The following MAP3K20 variants were observed in gnomAD, a reference collection of about 807,000 sequenced individuals.
The protein encoded by MAP3K20 is HCCS-4.
In MAP3K20, 40 loss-of-function variants were observed where a neutral mutation model predicts 85.7. That is an observed-to-expected ratio of 0.47 (90% CI 0.36 to 0.61). The LOEUF is 0.61. Ranked by LOEUF, MAP3K20 falls within the 20% of genes least tolerant of loss-of-function variation. The probability of loss-of-function intolerance (pLI) is 0.00; values close to 1 mark genes in which losing one functional copy is unlikely to be tolerated. For synonymous variants in MAP3K20, 325 were observed against 327.7 expected, an observed-to-expected ratio of 0.99 and a Z score of 0.09; for missense variants, 817 against 961.7, an observed-to-expected ratio of 0.85 and a Z score of 1.99.
rs16861406 is a variant in MAP3K20, at chr2:173,232,378, A to G, written c.1122A>G (p.Thr374=). The G allele has an allele frequency of 0.09, 144,804 of 1,614,180 alleles. 12,656 individuals carry two copies. The highest frequency in any genetic ancestry group is 0.58 in the East Asian group (25,810 of 44,880). ...YASLFKENNI[T]GKRLLLLEEE... is the part of the protein sequence containing the mutation. ...GCTTGTTTAAAGAAAACAACATTAC[A>G]GGGAAGCGGCTGCTGCTGCTGGAGG... Residue 374 remains threonine, a synonymous_variant, in exon 14 of 20, where the codon ACA becomes ACG. Transcript: ENST00000375213.
chr2:173,168,064 CTTTA>C (rs376571018), intron 2 of MAP3K20, among the ~76,000 whole-genome samples: 254 of 151,330 alleles, frequency 1.7e-3, no homozygotes, highest in East Asian at 8.9e-3. Context: ...TTACAAAAAA[CTTTA>C]TTTATTATTT....
At chr2:173,107,217 GA>G (rs1270266666) in intron 2 of MAP3K20, among the ~76,000 whole-genome samples, 1 of 152,184 alleles carries the variant, frequency 6.6e-6, no homozygotes, top group East Asian at 1.9e-4. Context: ...AGGTGGTAAT[GA>G]GGGGCTCCCC....
chr2:173,200,118 C>T (rs1002240678), intron 8 of MAP3K20, among the ~76,000 whole-genome samples: 1 of 152,250 alleles, frequency 6.6e-6, no homozygotes, highest in Admixed American at 6.5e-5. Flanking sequence ...TCTCAACTTT[C>T]TAATGAACTT....
chr2:173,264,342 G>C (rs1685363728), intron 19 of MAP3K20, among the ~76,000 whole-genome samples: 1 of 152,210 alleles, frequency 6.6e-6, no homozygotes, highest in Non-Finnish European at 1.5e-5. Context: ...TATTCAGAGA[G>C]TGGAATGAAC....
intron 2 of MAP3K20, among the ~76,000 whole-genome samples, chr2:173,143,683 CA>C (rs1196844026): frequency 3.3e-5 from 5 of 152,028 alleles, no homozygotes; most frequent in African/African-American, 1.2e-4. Context: ...TGCAGTAAGA[CA>C]AGAGAAAGAA....
At chr2:173,193,117 A>C (rs1002378396) in intron 7 of MAP3K20, 5 of 152,248 alleles carry the variant, frequency 3.3e-5, no homozygotes, top group South Asian at 2.1e-4. Context: ...TTGACCGTTC[A>C]GAGTGGCTCA....
At chr2:173,240,769 A>G (rs1267416949) in intron 16 of MAP3K20, among the ~76,000 whole-genome samples, 2 of 152,230 alleles carry the variant, frequency 1.3e-5, no homozygotes, top group African/African-American at 4.8e-5. Context: ...CTCTAGGTAT[A>G]TAACCAAAAG....
intron 16 of MAP3K20, among the ~76,000 whole-genome samples, chr2:173,246,289 T>C (rs941200308): frequency 6.6e-6 from 1 of 152,148 alleles, no homozygotes; most frequent in Non-Finnish European, 1.5e-5. Context: ...AATAAGGATA[T>C]TGGTAATGAA....
At chr2:173,136,037 C>T (rs1315332859) in intron 2 of MAP3K20, among the ~76,000 whole-genome samples, 1 of 152,136 alleles carries the variant, frequency 6.6e-6, no homozygotes, top group Non-Finnish European at 1.5e-5. Context: ...ATTGACAAAC[C>T]TGTGTGCTAC....
At chr2:173,176,407 A>T (rs1442321409) in intron 3 of MAP3K20, among the ~76,000 whole-genome samples, 1 of 152,170 alleles carries the variant, frequency 6.6e-6, no homozygotes, top group Non-Finnish European at 1.5e-5. Context: ...TCACAACAAT[A>T]GCATAAAGGA....
chr2:173,213,748 C>T (rs1683984518), intron 10 of MAP3K20, among the ~76,000 whole-genome samples: 1 of 152,186 alleles, frequency 6.6e-6, no homozygotes, highest in Admixed American at 6.5e-5. Context: ...GTTGTGCTGT[C>T]TTCTCATTAG....
chr2:173,126,168 CT>C (rs1254647881), intron 2 of MAP3K20, among the ~76,000 whole-genome samples: 1 of 151,866 alleles, frequency 6.6e-6, no homozygotes. Context: ...TTTTAAAATA[CT>C]TTGTGTAATG....
chr2:173,264,362 T>C (rs1685364049), intron 19 of MAP3K20, among the ~76,000 whole-genome samples: 1 of 152,212 alleles, frequency 6.6e-6, no homozygotes. Flanking sequence ...CCTTCCCTTC[T>C]TTCTGCCCTG....
At chr2:173,147,927 T>A (rs1689183830) in intron 2 of MAP3K20, among the ~76,000 whole-genome samples, 1 of 152,196 alleles carries the variant, frequency 6.6e-6, no homozygotes, top group Non-Finnish European at 1.5e-5. Context: ...AGAAGCATTG[T>A]CTGTAACTGG....
At chr2:173,226,599 GTGTTTT>G in intron 11 of MAP3K20, 1 of 985,820 alleles carries the variant, frequency 1.0e-6, no homozygotes, top group Non-Finnish European at 1.2e-6. Context: ...AAGACTAGCC[GTGTTTT>G]CTCAGACTCC....
intron 1 of MAP3K20, among the ~76,000 whole-genome samples, chr2:173,082,208 A>G (rs182434572): frequency 7.9e-5 from 12 of 152,042 alleles, no homozygotes; most frequent in Admixed American, 6.5e-4. Context: ...GGATCTCACT[A>G]TGCTGCCCAA....
At chr2:173,250,828 C>A (rs1381740166) in intron 16 of MAP3K20, among the ~76,000 whole-genome samples, 2 of 151,708 alleles carry the variant, frequency 1.3e-5, no homozygotes, top group East Asian at 3.9e-4. Context: ...TAAAAAAAAA[C>A]AAATCTCATG....
intron 8 of MAP3K20, among the ~76,000 whole-genome samples, chr2:173,202,209 C>T (rs896121377): frequency 6.6e-6 from 1 of 152,142 alleles, no homozygotes; most frequent in Non-Finnish European, 1.5e-5. Flanking sequence ...CAGTTTAATA[C>T]ATCTTGTCCT....
chr2:173,205,115 A>C (rs13401454), intron 9 of MAP3K20, among the ~76,000 whole-genome samples: 29,703 of 140,350 alleles, frequency 0.21, 3,513 homozygotes, highest in Admixed American at 0.26. Context: ...AAAAAAAAAA[A>C]AAAAAAATAA....
Sources: gnomAD v4.1 joint callset for allele counts (sites outside exome capture counted in the v4.1 genomes callset) on GRCh38, gnomAD v4.1.1 for gene constraint, MANE v1.5 for transcripts, NCBI Gene and HGNC (gene_info 2026-07-23, HGNC 2026-07-21) for gene names.